Variants in C4BPB observed in about 807,000 individuals in gnomAD.
C4BPB encodes complement component 4 binding protein beta.
Under a neutral mutation model 26.6 loss-of-function variants are expected in C4BPB, and 19 were observed. The observed-to-expected ratio is 0.71, with a 90% CI of 0.50 to 1.05. C4BPB has a LOEUF of 1.05. Ranked by LOEUF, C4BPB falls within the 50% of genes least tolerant of loss-of-function variation. The pLI is 0.00. For synonymous variants in C4BPB, 118 were observed against 103.5 expected, an observed-to-expected ratio of 1.14 and a Z score of -0.85; for missense variants, 282 against 302.9, an observed-to-expected ratio of 0.93 and a Z score of 0.51.
rs1405420867 is a variant in C4BPB, at chr1:207,098,276, G to A, written c.618+12G>A. 2.0e-6 allele frequency: 3 copies of A among 1,476,314 alleles called. No homozygotes were observed. The highest frequency in any genetic ancestry group is 1.1e-5 in the South Asian group (1 of 88,310). The allele number at this position is 1,476,314 out of a possible 1,614,324, so 91.5% of individuals were successfully genotyped here. On this transcript the variant is annotated intron_variant, in intron 6 of 6. Transcript: ENST00000367078. ...GTGAGAAGGCACTTGTAAGTAGGAG[G>A]CTCATATCTGTCTTGTTCACAGCTG...
At chr1:207,097,651 A>G (rs997712801) in intron 5 of C4BPB, among the ~76,000 whole-genome samples, 1 of 152,108 alleles carries the variant, frequency 6.6e-6, no homozygotes, top group Non-Finnish European at 1.5e-5. Context: ...TAATTAACTC[A>G]GAGTCATGTG....
In C4BPB at chr1:207,099,931, A is replaced by T; in HGVS notation, c.*2A>T. On this transcript the variant is annotated 3_prime_UTR_variant, in exon 7 of 7. Transcript: ENST00000367078. ...GAGTTGAAGGCAAAATTGTTGTAAC[A>T]CTACAGCTGAGCAGATGTAATAGAA... The T allele has an allele frequency of 2.5e-6, 4 of 1,609,558 alleles. No homozygotes were observed. Among genetic ancestry groups the T allele is most frequent in the Non-Finnish European group, 3.4e-6 (4 of 1,178,522 alleles).
At chr1:207,091,192 A>G (rs2102304119) in intron 3 of C4BPB, among the ~76,000 whole-genome samples, 1 of 152,302 alleles carries the variant, frequency 6.6e-6, no homozygotes. Context: ...CATATAACCA[A>G]ACTCATATAT....
intron 4 of C4BPB, 178 bp downstream of exon 4, chr1:207,091,998 T>C (rs1684046324): frequency 1.8e-6 from 1 of 561,466 alleles, no homozygotes; most frequent in African/African-American, 1.9e-5. Flanking sequence ...CTCAAGAGAA[T>C]ACATTCCATT....
At position 207,097,540 on chromosome 1, in the gene C4BPB, TAAA is replaced by T. The variant is rs36078505; in HGVS notation, c.504-591_504-589del. 3.4e-3 allele frequency among the ~76,000 whole-genome samples: 389 copies of T among 115,850 alleles called. 4 individuals carry two copies. Among genetic ancestry groups the T allele is most frequent in the African/African-American group, 0.011 (361 of 32,104 alleles). 76.0% of individuals were successfully genotyped at this position (115,850 alleles called of 152,430 possible). On this transcript the variant is annotated intron_variant, in intron 5 of 6. Coordinates refer to ENST00000367078, the MANE Select transcript of C4BPB (RefSeq NM_001017365.3). ...GCCTGGCCTAAAATGTATGTTTTTC[TAAA>T]AAAAAAAAAAAAAAAAAATCAGAGA...
At chr1:207,093,128 T>A (rs941082594) in intron 4 of C4BPB, among the ~76,000 whole-genome samples, 42 of 152,300 alleles carry the variant, frequency 2.8e-4, no homozygotes, top group Admixed American at 7.2e-4. Flanking sequence ...GTAAAAATAA[T>A]TCGATTCACA....
chr1:207,094,990 T>C, intron 4 of C4BPB: 1 of 231,308 alleles, frequency 4.3e-6, no homozygotes, highest in Non-Finnish European at 8.6e-6. Flanking sequence ...AAAAATAATA[T>C]TATACATGCT....
Position 207,089,466 on chromosome 1 carries a change from T to C in C4BPB, c.-50-16T>C. On this transcript the variant is annotated splice_polypyrimidine_tract_variant and intron_variant, in intron 1 of 6. Coordinates refer to ENST00000367078, the MANE Select transcript of C4BPB (RefSeq NM_001017365.3). ...GTCTTAAGCAGTGTTAGAAGATCTA[T>C]TTTTTTTCAAACCAGGTGTCTGAGC... is the stretch of plus-strand genomic sequence containing the variant. 7.2e-7 allele frequency: 1 copy of C among 1,396,160 alleles called. No homozygotes were observed. Among genetic ancestry groups the C allele is most frequent in the Non-Finnish European group, 1.0e-6 (1 of 985,178 alleles). 86.5% of individuals were successfully genotyped at this position (1,396,160 alleles called of 1,614,324 possible).
chr1:207,098,975 AT>A (rs1684363849), intron 6 of C4BPB, among the ~76,000 whole-genome samples: 1 of 151,240 alleles, frequency 6.6e-6, no homozygotes, highest in African/African-American at 2.4e-5. Flanking sequence ...TCTGGGAGTG[AT>A]GGGAGACAGT....
At chr1:207,092,699 C>G (rs1476265708) in intron 4 of C4BPB, among the ~76,000 whole-genome samples, 2 of 146,230 alleles carry the variant, frequency 1.4e-5, no homozygotes, top group African/African-American at 5.2e-5. Flanking sequence ...GTGATCTCGG[C>G]TCACTGCAAC....
chr1:207,099,694 C>G, intron 6 of C4BPB, 95 bp from the exon 7 acceptor site: 1 of 954,960 alleles, frequency 1.0e-6, no homozygotes, highest in Non-Finnish European at 1.5e-6. Flanking sequence ...TTCTGAGCCC[C>G]CATTCAGAGA....
intron 2 of C4BPB, among the ~76,000 whole-genome samples, chr1:207,090,021 C>T (rs535079750): frequency 6.6e-6 from 1 of 152,198 alleles, no homozygotes; most frequent in African/African-American, 2.4e-5. Flanking sequence ...CCTGTAATCC[C>T]GGCACTTTGA....
At chr1:207,097,582 AAAAC>A (rs911963283) in intron 5 of C4BPB, among the ~76,000 whole-genome samples, 3 of 151,756 alleles carry the variant, frequency 2.0e-5, no homozygotes, top group African/African-American at 7.2e-5. Flanking sequence ...TAAATACTAA[AAAAC>A]AAACATAGAA....
intron 4 of C4BPB, chr1:207,094,918 A>G (rs1684181984): frequency 5.3e-6 from 1 of 188,616 alleles, no homozygotes; most frequent in South Asian, 8.9e-5. Flanking sequence ...GGCATTAAGT[A>G]TTTTGGCATA....
intron 2 of C4BPB, among the ~76,000 whole-genome samples, chr1:207,089,891 C>T (rs531345443): frequency 6.6e-6 from 1 of 152,138 alleles, no homozygotes; most frequent in Non-Finnish European, 1.5e-5. Context: ...TCCAGGATCG[C>T]TATTTGTGTA....
chr1:207,099,423 G>A (rs369389604), intron 6 of C4BPB, among the ~76,000 whole-genome samples: 44 of 152,276 alleles, frequency 2.9e-4, no homozygotes, highest in African/African-American at 4.6e-4. Flanking sequence ...TCCGTGGACC[G>A]GTACCGGTCT....
chr1:207,098,347 T>C, intron 6 of C4BPB, 83 bp downstream of exon 6: 1 of 853,642 alleles, frequency 1.2e-6, no homozygotes, highest in South Asian at 1.5e-5. Flanking sequence ...TCAGTATATA[T>C]CTGTTTAATG....
In C4BPB at chr1:207,090,558, G is replaced by A. The variant is rs1558075319; in HGVS notation, c.232+77G>A. 4 of 1,347,262 alleles carry A rather than the reference G, an allele frequency of 3.0e-6. No individual in the cohort carries two copies. The East Asian group carries it at 7.3e-5, about 25-fold the overall frequency. 83.5% of individuals were successfully genotyped at this position (1,347,262 alleles called of 1,614,324 possible). On this transcript the variant is annotated intron_variant, in intron 3 of 6. Coordinates refer to ENST00000367078, the MANE Select transcript of C4BPB (RefSeq NM_001017365.3). Reference sequence around the variant, plus strand: ...CTTCACATCCTACTTCCTATAGGCTGTGGTAAAACTTTATAAGAAAACAAA... The same window carrying A: ...CTTCACATCCTACTTCCTATAGGCTATGGTAAAACTTTATAAGAAAACAAA...
At chr1:207,096,714 A>G (rs570200133) in intron 5 of C4BPB, 99 bp downstream of exon 5, 5 of 683,478 alleles carry the variant, frequency 7.3e-6, no homozygotes, top group African/African-American at 1.8e-5. Flanking sequence ...CTGATTTCCT[A>G]CTGCTGCAGG....
Sources: allele counts gnomAD v4.1 joint callset (sites outside exome capture counted in the v4.1 genomes callset), GRCh38; gene constraint gnomAD v4.1.1; transcripts MANE v1.5; gene names NCBI Gene and HGNC (gene_info 2026-07-23, HGNC 2026-07-21).